The following RNF169 variants were observed in gnomAD, a reference collection of about 807,000 sequenced individuals.
RNF169 encodes the protein ring finger protein 169, also known as E3 ubiquitin-protein ligase RNF169.
In RNF169, 24 loss-of-function variants were observed where a neutral mutation model predicts 53.9. The observed-to-expected ratio is 0.45, with a 90% CI of 0.32 to 0.63. RNF169 has a LOEUF of 0.63. Ranked by LOEUF, RNF169 falls within the 20% of genes least tolerant of loss-of-function variation. RNF169 has a pLI of 0.04. For synonymous variants in RNF169, 396 were observed against 363.5 expected, an observed-to-expected ratio of 1.09 and a Z score of -1.02; for missense variants, 883 against 906.2, an observed-to-expected ratio of 0.97 and a Z score of 0.33.
intron 2 of RNF169, among the ~76,000 whole-genome samples, chr11:74,791,216 C>T (rs59466574): frequency 8.9e-4 from 135 of 152,252 alleles, no homozygotes; most frequent in African/African-American, 3.0e-3. Context: ...CCATGTCTGC[C>T]GGAGTCTGGC....
intron 4 of RNF169, among the ~76,000 whole-genome samples, chr11:74,818,835 C>A (rs941330921): frequency 6.6e-6 from 1 of 152,164 alleles, no homozygotes; most frequent in Admixed American, 6.5e-5. Flanking sequence ...TGAATACACA[C>A]CCAGACCCTT....
chr11:74,783,449 G>A (rs1289548853), intron 1 of RNF169, among the ~76,000 whole-genome samples: 2 of 152,152 alleles, frequency 1.3e-5, no homozygotes, highest in African/African-American at 4.8e-5. Flanking sequence ...CAAAGGATAG[G>A]CATTAAGAAA....
Position 74,836,055 on chromosome 11 carries a change from A to C in RNF169, c.1452A>C (p.Leu484Phe), listed in dbSNP as rs751992528. ...EKPLVAVNTRLSGGQVLSEYT... is the reference protein window; with the variant it reads ...EKPLVAVNTRFSGGQVLSEYT... ...CACTTGTGGCTGTAAATACAAGATTATCTGGTGGGCAGGTCCTCTCTGAGT... is the reference window on the plus strand; with the variant it reads ...CACTTGTGGCTGTAAATACAAGATTCTCTGGTGGGCAGGTCCTCTCTGAGT... The change falls in exon 6 of 6, where the codon TTA becomes TTC. Residue 484 changes from leucine to phenylalanine, a missense_variant. By Grantham distance (22) the Leu-to-Phe change is conservative. This residue lies in a region of RNF169 where 351 missense variants were observed against 337.3 expected (regional missense o/e 1.04). Coordinates refer to ENST00000299563, the MANE Select transcript of RNF169 (RefSeq NM_001098638.2). 6 of 1,614,062 alleles carry C rather than the reference A, an allele frequency of 3.7e-6. No homozygotes were observed. The African/African-American group carries it at 8.0e-5, about 22-fold the overall frequency.
At chr11:74,750,977 C>T (rs1451314083) in intron 1 of RNF169, among the ~76,000 whole-genome samples, 2 of 147,446 alleles carry the variant, frequency 1.4e-5, no homozygotes, top group African/African-American at 5.0e-5. Flanking sequence ...CAGGTTCAAG[C>T]GATTCTCCTG....
At chr11:74,758,571 G>A (rs1367719816) in intron 1 of RNF169, among the ~76,000 whole-genome samples, 2 of 151,132 alleles carry the variant, frequency 1.3e-5, no homozygotes, top group African/African-American at 4.9e-5. Context: ...GCGGGATCTC[G>A]GCTCACTGCA....
intron 3 of RNF169, among the ~76,000 whole-genome samples, chr11:74,810,995 C>CT (rs2035867426): frequency 6.6e-6 from 1 of 152,104 alleles, no homozygotes; most frequent in South Asian, 2.1e-4. Context: ...TATGTATGTA[C>CT]TTAGCACATC....
At chr11:74,800,315 A>C (rs899287393) in intron 2 of RNF169, among the ~76,000 whole-genome samples, 1 of 152,074 alleles carries the variant, frequency 6.6e-6, no homozygotes, top group Non-Finnish European at 1.5e-5. Flanking sequence ...TTGAGAGTAA[A>C]CTTTTTTGTT....
intron 2 of RNF169, chr11:74,807,966 G>C (rs1479758758): frequency 6.6e-6 from 1 of 152,078 alleles, no homozygotes; most frequent in East Asian, 1.9e-4. Flanking sequence ...TTTCACTTTT[G>C]TAAATTTTTA....
chr11:74,814,759 A>G (rs986035623), intron 3 of RNF169, among the ~76,000 whole-genome samples: 4 of 152,084 alleles, frequency 2.6e-5, no homozygotes, highest in Non-Finnish European at 5.9e-5. Flanking sequence ...TTGATTGTAG[A>G]ATTTATTTAA....
Position 74,750,865 on chromosome 11 carries a change from G to GTTTT in RNF169, c.502+1506_502+1509dup, listed in dbSNP as rs35173529. ...GATCCGCCCGCCTTGGCCTCCCAAG[G>GTTTT]TTTTTTTTTTTTTTTTTTTTTTTTT... is the stretch of plus-strand genomic sequence containing the variant. On this transcript the variant is annotated intron_variant, in intron 1 of 5. Coordinates refer to ENST00000299563, the MANE Select transcript of RNF169 (RefSeq NM_001098638.2). Among the ~76,000 whole-genome samples, 99 of 60,134 alleles carry GTTTT rather than the reference G, an allele frequency of 1.6e-3. 14 individuals are homozygous for GTTTT. The highest frequency in any genetic ancestry group is 5.5e-3 in the African/African-American group (80 of 14,480). The allele number at this position is 60,134 out of a possible 152,430, so 39.5% of individuals were successfully genotyped here. A position where few individuals can be genotyped will look rare whatever the true frequency, so the allele number is the denominator to read the frequency against.
chr11:74,831,766 A>C (rs1301132759), intron 4 of RNF169: 3 of 152,122 alleles, frequency 2.0e-5, no homozygotes, highest in Non-Finnish European at 4.4e-5. Flanking sequence ...AAAGTATAGC[A>C]ATCAAAACAA....
intron 3 of RNF169, among the ~76,000 whole-genome samples, chr11:74,814,547 GT>G (rs916851033): frequency 6.7e-6 from 1 of 149,604 alleles, no homozygotes; most frequent in African/African-American, 2.5e-5. Flanking sequence ...TGCCTGACTA[GT>G]TTTTTTTTCA....
chr11:74,814,380 C>CTATTT (rs2035915848), intron 3 of RNF169, among the ~76,000 whole-genome samples: 1 of 96,230 alleles, frequency 1.0e-5, no homozygotes, highest in African/African-American at 4.0e-5. Flanking sequence ...TCTTTCTTGC[C>CTATTT]TTTTTTTTTT....
chr11:74,841,416 G>A lies in RNF169; in HGVS notation c.*4686G>A, dbSNP rs1428782552. Reference sequence around the variant, plus strand: ...CTGCTGTAGCTTTCTGAAGAAGATTGTAGAAAAGAGACTAAGATATATGCA... The same window carrying A: ...CTGCTGTAGCTTTCTGAAGAAGATTATAGAAAAGAGACTAAGATATATGCA... On this transcript the variant is annotated 3_prime_UTR_variant, in exon 6 of 6. Coordinates refer to ENST00000299563, the MANE Select transcript of RNF169 (RefSeq NM_001098638.2). The A allele has an allele frequency of 6.6e-6, 1 of 152,180 alleles. No individual in the cohort carries two copies. Among genetic ancestry groups the A allele is most frequent in the East Asian group, 1.9e-4 (1 of 5,200 alleles). 9.4% of individuals were successfully genotyped at this position (152,180 alleles called of 1,614,324 possible).
intron 1 of RNF169, among the ~76,000 whole-genome samples, chr11:74,753,854 A>G (rs1163284599): frequency 6.6e-6 from 1 of 152,178 alleles, no homozygotes; most frequent in Non-Finnish European, 1.5e-5. Context: ...TTTTTTGGCA[A>G]GCTTTAAGGT....
At chr11:74,823,454 G>A (rs1315287) in intron 4 of RNF169, among the ~76,000 whole-genome samples, 38 of 152,068 alleles carry the variant, frequency 2.5e-4, no homozygotes, top group Non-Finnish European at 4.4e-5. Context: ...AAATGCACGT[G>A]GCTGAGTTTG....
At position 74,836,910 on chromosome 11, in the gene RNF169, A is replaced by T; in HGVS notation, c.*180A>T. 1 of 575,482 alleles carries T rather than the reference A, an allele frequency of 1.7e-6. No individual in the cohort carries two copies. The highest frequency in any genetic ancestry group is 3.0e-6 in the Non-Finnish European group (1 of 334,010). 35.6% of individuals were successfully genotyped at this position (575,482 alleles called of 1,614,324 possible). On this transcript the variant is annotated 3_prime_UTR_variant, in exon 6 of 6. Coordinates refer to ENST00000299563, the MANE Select transcript of RNF169 (RefSeq NM_001098638.2). ...GGAAAAGCATCTCCGTTTCTCTGTG[A>T]CCCAGGCCAGAAGCCTGAGTGACCC...
At position 74,749,562 on chromosome 11, in the gene RNF169, A is replaced by G. The variant is rs575841006; in HGVS notation, c.502+180A>G. Among the ~76,000 whole-genome samples the G allele has an allele frequency of 2.6e-5, 4 of 152,338 alleles. No homozygotes were observed. The South Asian group carries it at 6.2e-4, about 24-fold the overall frequency. On this transcript the variant is annotated intron_variant, in intron 1 of 5. Coordinates refer to ENST00000299563, the MANE Select transcript of RNF169 (RefSeq NM_001098638.2). Reference sequence around the variant, plus strand: ...TTGTGAATTTTGAACTTCAGAGTGAAGGACAGGCACGTTGCATGCGGAGGG... The same window carrying G: ...TTGTGAATTTTGAACTTCAGAGTGAGGGACAGGCACGTTGCATGCGGAGGG...
intron 4 of RNF169, among the ~76,000 whole-genome samples, chr11:74,821,325 T>C (rs1036984320): frequency 3.3e-5 from 5 of 152,214 alleles, no homozygotes; most frequent in Admixed American, 1.3e-4. Flanking sequence ...CCTTTTGGAA[T>C]AGAGCTATGG....
Sources: allele counts gnomAD v4.1 joint callset (sites outside exome capture counted in the v4.1 genomes callset), GRCh38; gene constraint gnomAD v4.1.1; regional missense constraint gnomAD v4.1.1; transcripts MANE v1.5; gene names NCBI Gene and HGNC (gene_info 2026-07-23, HGNC 2026-07-21).